The following BCL7C variants were observed in gnomAD, a reference collection of about 807,000 sequenced individuals.
The protein encoded by BCL7C is BAF chromatin remodeling complex subunit BCL7C.
A neutral mutation model predicts 26.2 loss-of-function variants in BCL7C; 8 were observed. The ratio of observed to expected loss-of-function variants is 0.30; its 90% CI spans 0.18 to 0.55. The LOEUF (loss-of-function observed/expected upper bound fraction) is 0.55, where lower values mean the gene tolerates loss of function less well. Ranked by LOEUF, BCL7C falls within the 20% of genes least tolerant of loss-of-function variation. BCL7C has a pLI of 0.93. For synonymous variants in BCL7C, 90 were observed against 116.5 expected (o/e 0.77, Z 1.47); for missense variants, 262 against 298.5 (o/e 0.88, Z 0.90).
At chr16:30,878,622 A>G (rs897585999) in intron 5 of BCL7C, among the ~76,000 whole-genome samples, 45 of 151,866 alleles carry the variant, frequency 3.0e-4, no homozygotes, top group African/African-American at 9.7e-4. Flanking sequence ...AGGTGGGTGG[A>G]TCACGAGGTC....
At chr16:30,847,410 A>C (rs1480003104) in intron 5 of BCL7C, among the ~76,000 whole-genome samples, 1 of 152,094 alleles carries the variant, frequency 6.6e-6, no homozygotes, top group Non-Finnish European at 1.5e-5. Context: ...GGCTGTGATA[A>C]CCTCACCTGG....
intron 5 of BCL7C, among the ~76,000 whole-genome samples, chr16:30,864,096 T>G (rs1293128765): frequency 6.6e-6 from 1 of 152,184 alleles, no homozygotes; most frequent in Non-Finnish European, 1.5e-5. Context: ...ATTGCTGGTT[T>G]TGCATTTCTC....
intron 5 of BCL7C, among the ~76,000 whole-genome samples, chr16:30,868,963 T>G (rs1285250714): frequency 2.0e-5 from 3 of 152,158 alleles, no homozygotes; most frequent in Non-Finnish European, 2.9e-5. Context: ...TTCTTTTTTT[T>G]TGAACTCCTG....
chr16:30,850,804 G>T (rs1200316803), intron 5 of BCL7C, among the ~76,000 whole-genome samples: 1 of 152,204 alleles, frequency 6.6e-6, no homozygotes, highest in Non-Finnish European at 1.5e-5. Flanking sequence ...GTGAGTGAAT[G>T]TGAAGGCCTG....
intron 5 of BCL7C, among the ~76,000 whole-genome samples, chr16:30,850,042 T>C (rs1191836948): frequency 2.0e-5 from 3 of 151,356 alleles, no homozygotes; most frequent in East Asian, 1.9e-4. Context: ...ACCCCATCTC[T>C]ACTAAAAATA....
chr16:30,844,221 G>A (rs1468771332), intron 5 of BCL7C, among the ~76,000 whole-genome samples: 9 of 150,616 alleles, frequency 6.0e-5, no homozygotes, highest in East Asian at 5.8e-4. Context: ...GTGGTGGTGC[G>A]CACCTGTAGT....
chr16:30,861,044 G>A (rs1187222740), intron 5 of BCL7C, among the ~76,000 whole-genome samples: 1 of 152,102 alleles, frequency 6.6e-6, no homozygotes, highest in Non-Finnish European at 1.5e-5. Flanking sequence ...GTAGAGTCAA[G>A]GTTAATGCTC....
chr16:30,876,990 TGGA>T (rs1185203105), intron 5 of BCL7C, among the ~76,000 whole-genome samples: 1 of 151,314 alleles, frequency 6.6e-6, no homozygotes, highest in Non-Finnish European at 1.5e-5. Context: ...AGTGAGGAGG[TGGA>T]GAAGGTGAGC....
At chr16:30,866,779 C>T (rs143256166) in intron 5 of BCL7C, among the ~76,000 whole-genome samples, 168 of 152,084 alleles carry the variant, frequency 1.1e-3, no homozygotes, top group African/African-American at 3.2e-3. Flanking sequence ...GTTTGCTGGG[C>T]GTGCCGTCTC....
chr16:30,881,276 A>G (rs1157907699), intron 5 of BCL7C, among the ~76,000 whole-genome samples: 1 of 152,006 alleles, frequency 6.6e-6, no homozygotes, highest in African/African-American at 2.4e-5. Context: ...AGTGCCTGTA[A>G]TCTCAGCTAT....
chr16:30,851,777 G>T, intron 5 of BCL7C: 1 of 424,318 alleles, frequency 2.4e-6, no homozygotes, highest in South Asian at 3.1e-5. Flanking sequence ...GGTTGGCTTT[G>T]GGAAGTACTT....
At chr16:30,870,855 C>T (rs1243523426) in intron 5 of BCL7C, among the ~76,000 whole-genome samples, 2 of 152,170 alleles carry the variant, frequency 1.3e-5, no homozygotes, top group Non-Finnish European at 2.9e-5. Flanking sequence ...CAGGGATGGG[C>T]ACCTGGGTTC....
At chr16:30,866,560 T>C (rs370919951) in intron 5 of BCL7C, among the ~76,000 whole-genome samples, 2 of 97,206 alleles carry the variant, frequency 2.1e-5, no homozygotes, top group African/African-American at 8.6e-5. Context: ...CTGGCCAAAA[T>C]AGCGAGACTG....
intron 5 of BCL7C, among the ~76,000 whole-genome samples, chr16:30,863,198 C>G (rs2054793215): frequency 6.6e-6 from 1 of 152,190 alleles, no homozygotes; most frequent in African/African-American, 2.4e-5. Context: ...AGCAGTTCCA[C>G]CAGGCCTAAT....
At chr16:30,877,946 G>A (rs972997152) in intron 5 of BCL7C, among the ~76,000 whole-genome samples, 3 of 148,018 alleles carry the variant, frequency 2.0e-5, no homozygotes, top group African/African-American at 7.5e-5. Flanking sequence ...AGGCCAAGGC[G>A]GGTGGATCAC....
Position 30,834,934 on chromosome 16 carries a change from CT to C in BCL7C, c.*13del. On this transcript the variant is annotated 3_prime_UTR_variant, in exon 6 of 6. Transcript: ENST00000380317. The surrounding 1 kb of genome is among the most constrained non-coding windows in gnomAD (Gnocchi z 4.3). ...GGGAGGCTTTAGGGGTCTTGGCTTG[CT>C]TGGGGAGCCCACTCACCTCCCCTTA... 6.6e-7 allele frequency: 1 copy of C among 1,512,316 alleles called. No individual in the cohort carries two copies. Among genetic ancestry groups the C allele is most frequent in the South Asian group, 1.2e-5 (1 of 80,022 alleles). 93.7% of individuals were successfully genotyped at this position (1,512,316 alleles called of 1,614,324 possible). A position where few individuals can be genotyped will look rare whatever the true frequency, so the allele number is the denominator to read the frequency against.
At chr16:30,888,399 C>T (rs571306096) in intron 5 of BCL7C, among the ~76,000 whole-genome samples, 23 of 152,214 alleles carry the variant, frequency 1.5e-4, no homozygotes, top group South Asian at 2.1e-4. Context: ...TACAGTGGCG[C>T]GATCCTGGCT....
chr16:30,836,801 T>G (rs1567306189), intron 5 of BCL7C, among the ~76,000 whole-genome samples: 2 of 151,242 alleles, frequency 1.3e-5, no homozygotes, highest in African/African-American at 2.4e-5. Context: ...GTATTTTTTT[T>G]TTTGTTTTTT....
intron 5 of BCL7C, among the ~76,000 whole-genome samples, chr16:30,858,817 G>A (rs2054746011): frequency 6.6e-6 from 1 of 152,170 alleles, no homozygotes; most frequent in African/African-American, 2.4e-5. Flanking sequence ...ATTTGAGTCT[G>A]AAGAGTAAAA....
Sources: gnomAD v4.1 joint callset for allele counts (sites outside exome capture counted in the v4.1 genomes callset) on GRCh38, gnomAD v4.1.1 for gene constraint, Gnocchi (gnomAD v3.1) non-coding constraint, MANE v1.5 for transcripts, NCBI Gene and HGNC (gene_info 2026-07-23, HGNC 2026-07-21) for gene names.